TRIP12: variants seen among roughly 807,000 people sequenced by gnomAD.
The protein encoded by TRIP12 is E3 ubiquitin-protein ligase TRIP12.
Under a neutral mutation model 244.2 loss-of-function variants are expected in TRIP12, and 25 were observed. The observed-to-expected ratio is 0.10, with a 90% confidence interval of 0.07 to 0.14. The LOEUF is 0.14. Ranked by LOEUF, TRIP12 falls within the 10% of genes least tolerant of loss-of-function variation. The pLI is 1.00. For synonymous variants in TRIP12, 905 were observed against 873.1 expected (o/e 1.04, Z -0.64); for missense variants, 1,677 against 2,486.4 (o/e 0.67, Z 6.92).
rs1559260248 is a variant in TRIP12 at position 229,767,386 on chromosome 2, T to C, written c.*168A>G. The C allele has an allele frequency of 7.3e-6, 5 of 682,596 alleles. No individual in the cohort carries two copies. Among genetic ancestry groups the C allele is most frequent in the Non-Finnish European group, 8.8e-6 (4 of 452,636 alleles). The allele number at this position is 682,596 out of a possible 1,614,324, so 42.3% of individuals were successfully genotyped here. A position where few individuals can be genotyped will look rare whatever the true frequency, so the allele number is the denominator to read the frequency against. ...TTAGGGCCTGATCACTTTAAGTCCA[T>C]GGGGCCATTAATGAATATCAACCAA... On this transcript the variant is annotated 3_prime_UTR_variant, in exon 42 of 42. Transcript: ENST00000675903.
intron 8 of TRIP12, among the ~76,000 whole-genome samples, chr2:229,824,857 A>T (rs74001438): frequency 1.3e-5 from 2 of 152,172 alleles, no homozygotes; most frequent in Non-Finnish European, 2.9e-5. Flanking sequence ...AAGCAAAAGA[A>T]GATAAGATTT....
At chr2:229,818,341 C>T (rs780784505) in intron 9 of TRIP12, 23 bp downstream of exon 9, 16 of 1,609,374 alleles carry the variant, frequency 9.9e-6, no homozygotes, top group East Asian at 6.7e-5. Context: ...GAGGTAAAAA[C>T]GAGGGAAAAA....
intron 6 of TRIP12, among the ~76,000 whole-genome samples, chr2:229,834,791 T>G (rs2054360472): frequency 6.6e-6 from 1 of 150,572 alleles, no homozygotes; most frequent in Non-Finnish European, 1.5e-5. Context: ...TGCACAGGAG[T>G]CTGCCTCTGA....
chr2:229,808,394 A>C (rs747176162), intron 15 of TRIP12, 25 bp from the exon 16 acceptor site: 1 of 1,539,476 alleles, frequency 6.5e-7, no homozygotes, highest in East Asian at 2.2e-5. Flanking sequence ...AACAAAAAAC[A>C]AAAGGCTATT....
intron 1 of TRIP12, among the ~76,000 whole-genome samples, chr2:229,914,186 C>T (rs995191002): frequency 4.0e-5 from 6 of 151,778 alleles, no homozygotes; most frequent in South Asian, 2.1e-4. Flanking sequence ...GCCTGGGCGG[C>T]AAAGCAAAAC....
chr2:229,892,543 TGTCACC>T (rs2067622669), intron 1 of TRIP12, among the ~76,000 whole-genome samples: 1 of 152,116 alleles, frequency 6.6e-6, no homozygotes, highest in Admixed American at 6.5e-5. Flanking sequence ...GTAAAGACAT[TGTCACC>T]CATTTGAGAA....
intron 34 of TRIP12, 108 bp downstream of exon 34, chr2:229,785,648 CA>C: frequency 2.0e-6 from 2 of 981,206 alleles, no homozygotes; most frequent in Non-Finnish European, 3.0e-6. Flanking sequence ...GAAAAGAGAG[CA>C]AAGTCTCCCA....
intron 4 of TRIP12, among the ~76,000 whole-genome samples, chr2:229,842,077 A>C (rs923871371): frequency 1.3e-5 from 2 of 152,258 alleles, no homozygotes; most frequent in Non-Finnish European, 1.5e-5. Context: ...ATCTATGTTT[A>C]GACAGGCATT....
intron 9 of TRIP12, among the ~76,000 whole-genome samples, chr2:229,817,243 T>C (rs958104319): frequency 6.6e-6 from 1 of 152,226 alleles, no homozygotes; most frequent in African/African-American, 2.4e-5. Flanking sequence ...CTTTACTGGA[T>C]ATACAAAAAA....
rs187767809 is a variant in TRIP12 at position 229,818,394 on chromosome 2, C to T, written c.1569G>A (p.Gly523=). The part of the protein sequence containing the change: ...LVMGNEETLG[G]FPVKSVVPAL... ...CTGGAACAACACTCTTGACAGGAAA[C>T]CCTCCCAGTGTCTCCTCATTTCCCA... The change falls in exon 9 of 42, where the codon GGG becomes GGA. Residue 523 remains glycine, a synonymous_variant. Transcript: ENST00000675903. 15 of 1,614,042 alleles carry T rather than the reference C, an allele frequency of 9.3e-6. No individual in the cohort carries two copies. In the African/African-American group the frequency reaches 1.3e-4, roughly 14 times the overall value.
At position 229,880,063 on chromosome 2, in the gene TRIP12, T is replaced by G; in HGVS notation, c.17A>C (p.Asn6Thr). Reference protein sequence around the residue: MSNRPNNNPGGSLRRS... With the variant: MSNRPTNNPGGSLRRS... ...TCGCAGTGACCCCCCTGGATTGTTA[T>G]TAGGCCGGTTGGACATTGGCACCTC... The change falls in exon 2 of 42, where the codon AAT (asparagine) becomes ACT (threonine). Residue 6 changes from asparagine (N) to threonine (T), a missense_variant. This residue lies in a region of TRIP12 where 387 missense variants were observed against 392.6 expected (regional missense o/e 0.99). Coordinates refer to ENST00000675903, the MANE Select transcript of TRIP12 (RefSeq NM_001348323.3). 6.2e-7 allele frequency: 1 copy of G among 1,614,162 alleles called. No individual in the cohort carries two copies. The highest frequency in any genetic ancestry group is 8.5e-7 in the Non-Finnish European group (1 of 1,180,022).
chr2:229,824,624 T>C (rs115689818), intron 8 of TRIP12, among the ~76,000 whole-genome samples: 1,669 of 152,320 alleles, frequency 0.011, 17 homozygotes, highest in Non-Finnish European at 0.018. Flanking sequence ...CAGTTGAACA[T>C]GCAACATGCA....
chr2:229,778,651 A>G lies in TRIP12; in HGVS notation c.5210-64T>C. On this transcript the variant is annotated intron_variant, in intron 35 of 41. Transcript: ENST00000675903. The surrounding 1 kb of genome is among the most constrained non-coding windows in gnomAD (Gnocchi z 4.1). The stretch of plus-strand genomic sequence containing the variant: ...TCCAAAAACAAAACAAAACCTGGTA[A>G]CTAAGAACATTTAAGAAATTAAGCA... 16 of 1,571,048 alleles carry G rather than the reference A, an allele frequency of 1.0e-5. No homozygotes were observed. The highest frequency in any genetic ancestry group is 1.2e-5 in the Non-Finnish European group (14 of 1,160,088).
intron 1 of TRIP12, among the ~76,000 whole-genome samples, chr2:229,910,565 T>C (rs920546455): frequency 4.6e-5 from 7 of 152,170 alleles, no homozygotes; most frequent in Non-Finnish European, 1.0e-4. Flanking sequence ...AGTAATTCCT[T>C]TCAGTAGTCC....
chr2:229,912,194 GA>G (rs911006878), intron 1 of TRIP12, among the ~76,000 whole-genome samples: 1 of 151,966 alleles, frequency 6.6e-6, no homozygotes, highest in Non-Finnish European at 1.5e-5. Context: ...TAAACAACAG[GA>G]AAAAACAAGA....
rs781627371 is a variant in TRIP12, at chr2:229,858,756, CT to C, written c.1027+15del. The C allele has an allele frequency of 1.3e-6, 2 of 1,543,112 alleles. No individual in the cohort carries two copies. The highest frequency in any genetic ancestry group is 1.7e-6 in the Non-Finnish European group (2 of 1,145,048). ...ACTTTCTTTAATTAAAGAAAAATAC[CT>C]TTTTGTAAACTTACTTGCTAATTTG... On this transcript the variant is annotated intron_variant, in intron 4 of 41. Coordinates refer to ENST00000675903, the MANE Select transcript of TRIP12 (RefSeq NM_001348323.3).
chr2:229,842,630 A>G (rs2056710151), intron 4 of TRIP12, among the ~76,000 whole-genome samples: 1 of 152,196 alleles, frequency 6.6e-6, no homozygotes, highest in Admixed American at 6.5e-5. Context: ...AAAACCCTGT[A>G]TTCTTGTCAT....
intron 37 of TRIP12, among the ~76,000 whole-genome samples, 197 bp downstream of exon 37, chr2:229,777,118 A>ATGTTTATAGCCTGC (rs2036516257): frequency 6.6e-6 from 1 of 152,236 alleles, no homozygotes; most frequent in South Asian, 2.1e-4. Context: ...GCTAATCAAG[A>ATGTTTATAGCCTGC]TGTTTATAGC....
intron 24 of TRIP12, among the ~76,000 whole-genome samples, chr2:229,797,161 C>A (rs1470826765): frequency 1.3e-5 from 2 of 152,000 alleles, no homozygotes; most frequent in Non-Finnish European, 2.9e-5. Flanking sequence ...CATTTAAGGT[C>A]TCAGCAAAAT....
Sources: allele counts gnomAD v4.1 joint callset (sites outside exome capture counted in the v4.1 genomes callset), GRCh38; gene constraint gnomAD v4.1.1; regional missense constraint gnomAD v4.1.1; non-coding constraint Gnocchi (gnomAD v3.1); transcripts MANE v1.5; gene names NCBI Gene and HGNC (gene_info 2026-07-23, HGNC 2026-07-21).